The following LUZP2 variants were observed in gnomAD, a reference collection of about 807,000 sequenced individuals.
LUZP2 encodes leucine zipper protein 2.
In LUZP2, 52 loss-of-function variants were observed where a neutral mutation model predicts 51.6. The ratio of observed to expected loss-of-function variants is 1.01; its 90% CI spans 0.81 to 1.27. The LOEUF (loss-of-function observed/expected upper bound fraction) is 1.27. Among genes scored for constraint, LUZP2 ranks in the 50% most tolerant of loss-of-function variants. The pLI, the probability that LUZP2 is intolerant of heterozygous loss-of-function variation, is 0.00. For missense variants in LUZP2, 436 were observed against 395.4 expected, an observed-to-expected ratio of 1.10 and a Z score of -0.87; for synonymous variants, 154 against 137.3, an observed-to-expected ratio of 1.12 and a Z score of -0.85.
intron 5 of LUZP2, among the ~76,000 whole-genome samples, chr11:24,849,489 A>C (rs549942026): frequency 3.3e-5 from 5 of 152,274 alleles, no homozygotes; most frequent in Non-Finnish European, 7.4e-5. Flanking sequence ...ATAGTATTCC[A>C]TGGTGTATAT....
chr11:25,076,982 A>G (rs1859325694), intron 10 of LUZP2, among the ~76,000 whole-genome samples: 1 of 152,158 alleles, frequency 6.6e-6, no homozygotes, highest in African/African-American at 2.4e-5. Context: ...TAATTGACAT[A>G]TATAAATCAC....
At chr11:24,864,315 CA>C (rs34905309) in intron 5 of LUZP2, among the ~76,000 whole-genome samples, 24,032 of 152,052 alleles carry the variant, frequency 0.16, 2,076 homozygotes, top group African/African-American at 0.22. Context: ...TAATCAATGA[CA>C]AAGGCATTAC....
intron 7 of LUZP2, among the ~76,000 whole-genome samples, chr11:24,958,697 G>A (rs2133874620): frequency 6.6e-6 from 1 of 152,176 alleles, no homozygotes; most frequent in Admixed American, 6.5e-5. Context: ...CTCCCATTTT[G>A]TGGGTTGCCT....
intron 5 of LUZP2, among the ~76,000 whole-genome samples, chr11:24,826,190 A>AAAAAAAAAAAATATATAT (rs1215786412): frequency 1.5e-5 from 1 of 67,536 alleles, no homozygotes; most frequent in African/African-American, 5.9e-5. Flanking sequence ...AAAAAAAAAA[A>AAAAAAAAAAAATATATAT]ATATATATAT....
chr11:24,653,549 TTG>T (rs1404392154), intron 1 of LUZP2, among the ~76,000 whole-genome samples: 2 of 152,136 alleles, frequency 1.3e-5, no homozygotes, highest in African/African-American at 4.8e-5. Flanking sequence ...TTATACTAAT[TTG>T]TGTGTCTTTA....
intron 7 of LUZP2, among the ~76,000 whole-genome samples, chr11:24,938,559 G>T (rs539276336): frequency 7.2e-6 from 1 of 139,032 alleles, no homozygotes; most frequent in South Asian, 2.4e-4. Context: ...AAATAATATT[G>T]AAAATAGCTC....
At chr11:24,836,785 G>T (rs981612358) in intron 5 of LUZP2, among the ~76,000 whole-genome samples, 3 of 151,746 alleles carry the variant, frequency 2.0e-5, no homozygotes, top group East Asian at 3.8e-4. Flanking sequence ...TATAGTTCTA[G>T]TCTGGAACAT....
At chr11:24,573,550 A>G (rs10767214) in intron 1 of LUZP2, among the ~76,000 whole-genome samples, 88,015 of 151,750 alleles carry the variant, frequency 0.58, 26,215 homozygotes, top group East Asian at 0.8. Flanking sequence ...TATTATACTA[A>G]TAGGAATTCT....
Position 24,974,499 on chromosome 11 carries a change from C to CACAT in LUZP2, c.523-2091_523-2088dup, listed in dbSNP as rs1855832354. Among the ~76,000 whole-genome samples, 5 of 151,540 alleles carry CACAT rather than the reference C, an allele frequency of 3.3e-5. No individual in the cohort carries two copies. The South Asian group carries it at 1.0e-3, about 32-fold the overall frequency. ...TGATGCTGAAACTAGCATTTTCTTACACATTAAAAAGGGAATTTTTGCATA... is the reference window on the plus strand; with the variant it reads ...TGATGCTGAAACTAGCATTTTCTTACACATACATTAAAAAGGGAATTTTTGCATA... On this transcript the variant is annotated intron_variant, in intron 7 of 11. Transcript: ENST00000336930.
chr11:24,973,084 G>A (rs1185423339), intron 7 of LUZP2, among the ~76,000 whole-genome samples: 9 of 117,918 alleles, frequency 7.6e-5, no homozygotes, highest in Middle Eastern at 5.2e-3. Context: ...TAAATTTTTG[G>A]TTGGTAGGCT....
intron 5 of LUZP2, among the ~76,000 whole-genome samples, chr11:24,777,115 C>T (rs920118094): frequency 6.6e-6 from 1 of 151,872 alleles, no homozygotes; most frequent in Non-Finnish European, 1.5e-5. Context: ...CTGCCTCAGC[C>T]TCCTGAGTAG....
At chr11:24,899,494 T>C (rs1470410336) in intron 5 of LUZP2, among the ~76,000 whole-genome samples, 2 of 151,954 alleles carry the variant, frequency 1.3e-5, no homozygotes, top group African/African-American at 4.8e-5. Flanking sequence ...AATACTTTAA[T>C]TGAGAGAAAG....
Position 24,785,873 on chromosome 11 carries a change from C to A in LUZP2, c.396+22565C>A, listed in dbSNP as rs1043349359. On this transcript the variant is annotated intron_variant, in intron 5 of 11. Coordinates refer to ENST00000336930, the MANE Select transcript of LUZP2 (RefSeq NM_001009909.4). ...ACTCTGGGAAATTGCTCTGTTTCTC[C>A]CTAAAAATACTTTGTTCCAAATTGG... The A allele has an allele frequency of 3.0e-6, 3 of 985,124 alleles. No homozygotes were observed. The African/African-American group carries it at 5.2e-5, about 17-fold the overall frequency. The allele number at this position is 985,124 out of a possible 1,614,324, so 61.0% of individuals were successfully genotyped here.
chr11:24,689,213 G>A (rs1856990742), intron 1 of LUZP2, among the ~76,000 whole-genome samples: 1 of 152,148 alleles, frequency 6.6e-6, no homozygotes, highest in Non-Finnish European at 1.5e-5. Context: ...CATTGGCATG[G>A]TTCCAAGGTT....
At chr11:24,903,232 T>C (rs1488966219) in intron 5 of LUZP2, among the ~76,000 whole-genome samples, 2 of 152,258 alleles carry the variant, frequency 1.3e-5, no homozygotes, top group East Asian at 1.9e-4. Flanking sequence ...TCAGATTCTT[T>C]TTAAAAAAAG....
At chr11:24,591,212 G>A (rs1469707759) in intron 1 of LUZP2, among the ~76,000 whole-genome samples, 1 of 152,066 alleles carries the variant, frequency 6.6e-6, no homozygotes, top group Non-Finnish European at 1.5e-5. Context: ...ACATCCAAGT[G>A]GGTAAAAAGC....
At chr11:24,551,562 T>C (rs1423185598) in intron 1 of LUZP2, among the ~76,000 whole-genome samples, 1 of 152,052 alleles carries the variant, frequency 6.6e-6, no homozygotes, top group African/African-American at 2.4e-5. Flanking sequence ...AATACCATTA[T>C]ACTTTAAATG....
intron 7 of LUZP2, among the ~76,000 whole-genome samples, chr11:24,921,940 T>C (rs1446519683): frequency 6.6e-6 from 1 of 152,162 alleles, no homozygotes; most frequent in Non-Finnish European, 1.5e-5. Flanking sequence ...TTATGTGATC[T>C]CTTTCACAAT....
chr11:24,684,326 C>T (rs2133875654), intron 1 of LUZP2, among the ~76,000 whole-genome samples: 1 of 152,260 alleles, frequency 6.6e-6, no homozygotes, highest in Admixed American at 6.5e-5. Flanking sequence ...TTTTTCAATC[C>T]TATTTCATCT....
Sources: gnomAD v4.1 joint callset for allele counts (sites outside exome capture counted in the v4.1 genomes callset) on GRCh38, gnomAD v4.1.1 for gene constraint, MANE v1.5 for transcripts, NCBI Gene and HGNC (gene_info 2026-07-23, HGNC 2026-07-21) for gene names.